The following NBEA variants were observed in gnomAD, a reference collection of about 807,000 sequenced individuals.
The protein encoded by NBEA is neurobeachin, also known as lysosomal-trafficking regulator 2.
NBEA carries 44 observed loss-of-function variants against 343.4 expected under a neutral mutation model. The observed-to-expected ratio is 0.13, with a 90% CI of 0.10 to 0.16. NBEA has a LOEUF of 0.16. NBEA is among the 10% of genes least tolerant of loss of function. NBEA has a pLI of 1.00. For synonymous variants in NBEA, 1,175 were observed against 1,238.7 expected, an observed-to-expected ratio of 0.95 and a Z score of 1.08; for missense variants, 2,555 against 3,631.3, an observed-to-expected ratio of 0.70 and a Z score of 7.62.
At chr13:35,415,796 T>C (rs2043869749) in intron 38 of NBEA, among the ~76,000 whole-genome samples, 1 of 152,170 alleles carries the variant, frequency 6.6e-6, no homozygotes, top group African/African-American at 2.4e-5. Flanking sequence ...TTGATGGGGA[T>C]GGCATTGAAT....
chr13:35,305,313 T>TG (rs2036819500), intron 35 of NBEA, among the ~76,000 whole-genome samples: 2 of 152,238 alleles, frequency 1.3e-5, no homozygotes, highest in African/African-American at 4.8e-5. Flanking sequence ...GGTACTTCCA[T>TG]TAACAATTAT....
intron 36 of NBEA, among the ~76,000 whole-genome samples, chr13:35,310,070 TA>T (rs1158114262): frequency 1.3e-5 from 2 of 152,258 alleles, no homozygotes; most frequent in African/African-American, 4.8e-5. Flanking sequence ...TATATTCTAT[TA>T]TTTTTTTTTT....
At chr13:35,409,167 A>C (rs1340915866) in intron 38 of NBEA, among the ~76,000 whole-genome samples, 1 of 152,174 alleles carries the variant, frequency 6.6e-6, no homozygotes, top group Non-Finnish European at 1.5e-5. Flanking sequence ...TGCTTCCATG[A>C]AAAAGAATGA....
At chr13:35,424,796 G>A (rs2044545198) in intron 38 of NBEA, among the ~76,000 whole-genome samples, 1 of 151,856 alleles carries the variant, frequency 6.6e-6, no homozygotes, top group Non-Finnish European at 1.5e-5. Context: ...TTTTTTCGTT[G>A]GTAAGCTATT....
At chr13:35,020,461 G>A (rs548623256) in intron 1 of NBEA, among the ~76,000 whole-genome samples, 1 of 152,134 alleles carries the variant, frequency 6.6e-6, no homozygotes, top group Non-Finnish European at 1.5e-5. Flanking sequence ...TTCTGCTGTT[G>A]GATGGTATGT....
At chr13:35,331,322 G>C (rs2038913971) in intron 36 of NBEA, among the ~76,000 whole-genome samples, 1 of 151,432 alleles carries the variant, frequency 6.6e-6, no homozygotes, top group Admixed American at 6.6e-5. Flanking sequence ...TAATCTTACA[G>C]TTTGGGCATG....
At chr13:35,571,444 C>T (rs1170286127) in intron 45 of NBEA, among the ~76,000 whole-genome samples, 1 of 152,042 alleles carries the variant, frequency 6.6e-6, no homozygotes, top group East Asian at 1.9e-4. Context: ...ACATATTGTG[C>T]AAATTTAAGA....
Position 35,041,148 on chromosome 13 carries a change from A to G in NBEA, c.510A>G (p.Val170=), listed in dbSNP as rs765539926. ...IEQVLLKMSA[V]DDMIADLLVD... ...AAGTATTGCTGAAAATGAGTGCTGTAGATGACATGATAGCAGGTATGGGGT... is the reference window on the plus strand; with the variant it reads ...AAGTATTGCTGAAAATGAGTGCTGTGGATGACATGATAGCAGGTATGGGGT... The change falls in exon 2 of 59, where the codon GTA becomes GTG. Residue 170 remains valine (V), a synonymous_variant. Transcript: ENST00000379939. The G allele has an allele frequency of 1.9e-6, 3 of 1,611,340 alleles. No individual in the cohort carries two copies. The highest frequency in any genetic ancestry group is 2.7e-5 in the African/African-American group (2 of 74,848).
intron 28 of NBEA, chr13:35,179,810 T>C (rs2071185747): frequency 3.1e-5 from 31 of 984,154 alleles, no homozygotes; most frequent in Non-Finnish European, 3.5e-5. Context: ...TGGTATCTTT[T>C]CTTAATCTGA....
chr13:35,562,677 C>T (rs891352269), intron 44 of NBEA, among the ~76,000 whole-genome samples: 3 of 152,042 alleles, frequency 2.0e-5, no homozygotes, highest in Non-Finnish European at 4.4e-5. Context: ...TTAGATGTAA[C>T]TTGAACTGCT....
chr13:35,176,146 A>G (rs887998422), intron 27 of NBEA, among the ~76,000 whole-genome samples: 3 of 152,080 alleles, frequency 2.0e-5, no homozygotes, highest in Admixed American at 6.6e-5. Context: ...ACCAAATACT[A>G]TCAACCTTTA....
intron 1 of NBEA, among the ~76,000 whole-genome samples, chr13:35,013,671 G>A (rs555928867): frequency 1.4e-3 from 215 of 152,154 alleles, no homozygotes; most frequent in Non-Finnish European, 2.4e-3. Context: ...ATTTCACCAT[G>A]TTGGCCAGGC....
At chr13:35,277,677 G>A (rs929013424) in intron 34 of NBEA, among the ~76,000 whole-genome samples, 7 of 148,722 alleles carry the variant, frequency 4.7e-5, no homozygotes, top group Non-Finnish European at 3.0e-5. Context: ...GTATGCAAAG[G>A]AGGGTAGAAA....
intron 49 of NBEA, among the ~76,000 whole-genome samples, chr13:35,633,955 T>G (rs2083584159): frequency 6.6e-6 from 1 of 152,204 alleles, no homozygotes; most frequent in Non-Finnish European, 1.5e-5. Context: ...TTTATAAAGA[T>G]GGCCTAATTG....
intron 39 of NBEA, among the ~76,000 whole-genome samples, chr13:35,441,471 C>T (rs1301571092): frequency 6.6e-6 from 1 of 152,110 alleles, no homozygotes; most frequent in Non-Finnish European, 1.5e-5. Context: ...ACTTGCATGA[C>T]CTATCAAAGC....
chr13:35,019,785 A>G (rs1043742563), intron 1 of NBEA, among the ~76,000 whole-genome samples: 20 of 152,224 alleles, frequency 1.3e-4, no homozygotes, highest in Non-Finnish European at 1.0e-4. Context: ...TGTCAAATTC[A>G]TAGGTATAAA....
intron 41 of NBEA, among the ~76,000 whole-genome samples, chr13:35,492,595 C>A (rs2076540986): frequency 6.6e-6 from 1 of 151,852 alleles, no homozygotes; most frequent in Non-Finnish European, 1.5e-5. Flanking sequence ...ATAAACTCTA[C>A]ACAATTATTA....
intron 35 of NBEA, among the ~76,000 whole-genome samples, chr13:35,296,179 C>G (rs998209083): frequency 6.6e-6 from 1 of 151,838 alleles, no homozygotes; most frequent in African/African-American, 2.4e-5. Flanking sequence ...ATCATGAGTT[C>G]GGGACCAGCC....
chr13:35,120,160 T>G (rs7986975), intron 16 of NBEA, among the ~76,000 whole-genome samples: 2,439 of 152,304 alleles, frequency 0.016, 67 homozygotes, highest in African/African-American at 0.05. Context: ...TATGATGAAA[T>G]GCAGAAATAT....
Sources: gnomAD v4.1 joint callset for allele counts (sites outside exome capture counted in the v4.1 genomes callset) on GRCh38, gnomAD v4.1.1 for gene constraint, MANE v1.5 for transcripts, NCBI Gene and HGNC (gene_info 2026-07-23, HGNC 2026-07-21) for gene names.